The following GALNTL6 variants were observed in gnomAD, a reference collection of about 807,000 sequenced individuals.
GALNTL6 encodes polypeptide N-acetylgalactosaminyltransferase-like 6.
GALNTL6 carries 46 observed loss-of-function variants against 73.7 expected under a neutral mutation model. The observed-to-expected ratio is 0.62, with a 90% CI of 0.49 to 0.80. The LOEUF is 0.80. Among genes scored for constraint, GALNTL6 ranks in the 30% least tolerant of loss-of-function variants. GALNTL6 has a pLI of 0.00. For synonymous variants in GALNTL6, 259 were observed against 263.7 expected, an observed-to-expected ratio of 0.98 and a Z score of 0.17; for missense variants, 604 against 755.0, an observed-to-expected ratio of 0.80 and a Z score of 2.34.
intron 5 of GALNTL6, among the ~76,000 whole-genome samples, chr4:172,364,347 T>A (rs1374254716): frequency 6.6e-6 from 1 of 152,100 alleles, no homozygotes; most frequent in African/African-American, 2.4e-5. Context: ...GAGCTTAGAA[T>A]TTTGAGGTTA....
In GALNTL6 at chr4:172,282,393, T is replaced by C. The variant is rs184399714; in HGVS notation, c.248-29221T>C. ...AATTTACATGCTACCCAGATTATCA[T>C]AGCGTACTAGTGGCAAGAAATTGCT... On this transcript the variant is annotated intron_variant, in intron 3 of 12. Transcript: ENST00000506823. 2.6e-5 allele frequency among the ~76,000 whole-genome samples: 4 copies of C among 152,286 alleles called. No individual in the cohort carries two copies. In the East Asian group the frequency reaches 5.8e-4, roughly 22 times the overall value.
At chr4:172,987,491 G>A (rs1166911731) in intron 10 of GALNTL6, among the ~76,000 whole-genome samples, 1 of 152,216 alleles carries the variant, frequency 6.6e-6, no homozygotes, top group East Asian at 1.9e-4. Context: ...TGAAGTTTTG[G>A]GTGAGGGTAC....
intron 5 of GALNTL6, among the ~76,000 whole-genome samples, chr4:172,573,664 A>G (rs778490700): frequency 1.4e-4 from 22 of 152,152 alleles, no homozygotes; most frequent in Non-Finnish European, 3.1e-4. Flanking sequence ...TTCTCAGATA[A>G]AGAGGTGCAT....
intron 5 of GALNTL6, among the ~76,000 whole-genome samples, chr4:172,389,363 C>T (rs1438236860): frequency 2.0e-5 from 3 of 151,934 alleles, no homozygotes; most frequent in Non-Finnish European, 4.4e-5. Flanking sequence ...AAAAAGTACT[C>T]AGTGGTGCAT....
intron 10 of GALNTL6, among the ~76,000 whole-genome samples, chr4:172,983,521 C>T (rs546940030): frequency 3.2e-4 from 48 of 152,112 alleles, no homozygotes; most frequent in Non-Finnish European, 5.3e-4. Flanking sequence ...ATGGTGAAAC[C>T]TTGTCTCTAC....
At chr4:173,023,440 T>A (rs1055413835) in intron 12 of GALNTL6, among the ~76,000 whole-genome samples, 19 of 152,166 alleles carry the variant, frequency 1.2e-4, no homozygotes, top group Admixed American at 2.6e-4. Context: ...GCAGATCACC[T>A]GAGGTCAGGA....
chr4:171,823,132 T>A (rs1279160636), intron 2 of GALNTL6, among the ~76,000 whole-genome samples: 3 of 152,218 alleles, frequency 2.0e-5, no homozygotes, highest in South Asian at 2.1e-4. Flanking sequence ...TTGTCCCTGG[T>A]ATTCTCTTGA....
chr4:171,814,419 A>G lies in GALNTL6; in HGVS notation c.-162A>G, dbSNP rs1009221708. On this transcript the variant is annotated 5_prime_UTR_variant, in exon 2 of 13. Transcript: ENST00000506823. ...TGTGCGTTTGTTCTGCAGATGGCCAACTCCCTCTGAATCCTGCAGATTGGT... is the reference window on the plus strand; with the variant it reads ...TGTGCGTTTGTTCTGCAGATGGCCAGCTCCCTCTGAATCCTGCAGATTGGT... 4.3e-5 allele frequency: 29 copies of G among 670,046 alleles called. No individual in the cohort carries two copies. The East Asian group carries it at 5.2e-4, about 12-fold the overall frequency. The allele number at this position is 670,046 out of a possible 1,614,324, so 41.5% of individuals were successfully genotyped here.
chr4:172,141,899 ACACACACACACACC>A (rs1380911022), intron 2 of GALNTL6, among the ~76,000 whole-genome samples: 9 of 122,318 alleles, frequency 7.4e-5, no homozygotes, highest in Non-Finnish European at 1.3e-4. Flanking sequence ...ACACACACAC[ACACACACACACACC>A]CCCCACACTC....
At chr4:172,080,968 G>C (rs11930028) in intron 2 of GALNTL6, among the ~76,000 whole-genome samples, 72,858 of 151,838 alleles carry the variant, frequency 0.48, 17,860 homozygotes, top group Admixed American at 0.51. Context: ...TTACTGATGG[G>C]ATCACTGCTA....
intron 2 of GALNTL6, among the ~76,000 whole-genome samples, chr4:172,106,585 A>C (rs1282101647): frequency 2.0e-5 from 3 of 152,192 alleles, no homozygotes; most frequent in Non-Finnish European, 4.4e-5. Context: ...AATCAATTGA[A>C]TATGACAGGA....
chr4:172,708,698 T>C (rs9992243), intron 5 of GALNTL6, among the ~76,000 whole-genome samples: 10,312 of 152,272 alleles, frequency 0.068, 779 homozygotes, highest in African/African-American at 0.19. Context: ...ATTTGTAAGC[T>C]TTTGATTTGC....
At chr4:172,672,574 G>T (rs1375731081) in intron 5 of GALNTL6, among the ~76,000 whole-genome samples, 3 of 152,188 alleles carry the variant, frequency 2.0e-5, no homozygotes, top group Non-Finnish European at 4.4e-5. Context: ...TTTTGGAATG[G>T]TTTCAGTAGA....
intron 5 of GALNTL6, among the ~76,000 whole-genome samples, chr4:172,564,377 C>G (rs891719272): frequency 4.6e-5 from 7 of 152,094 alleles, no homozygotes; most frequent in Non-Finnish European, 1.0e-4. Context: ...GAAAAAGATT[C>G]CTTATGTGTG....
chr4:171,856,445 A>C (rs967022846), intron 2 of GALNTL6, among the ~76,000 whole-genome samples: 5 of 152,030 alleles, frequency 3.3e-5, no homozygotes, highest in Non-Finnish European at 5.9e-5. Context: ...ATGTCCATTT[A>C]ATCAATTTTT....
intron 7 of GALNTL6, among the ~76,000 whole-genome samples, chr4:172,815,858 C>CT (rs1741574144): frequency 6.6e-6 from 1 of 152,188 alleles, no homozygotes; most frequent in Non-Finnish European, 1.5e-5. Context: ...AATGTGGACA[C>CT]TTTAGCCTCT....
intron 5 of GALNTL6, among the ~76,000 whole-genome samples, chr4:172,537,322 G>A (rs1004777167): frequency 6.6e-6 from 1 of 152,204 alleles, no homozygotes; most frequent in African/African-American, 2.4e-5. Flanking sequence ...GTTGTGGGAG[G>A]GAACTGGTGG....
At chr4:172,148,028 T>C (rs939236586) in intron 2 of GALNTL6, among the ~76,000 whole-genome samples, 2 of 152,200 alleles carry the variant, frequency 1.3e-5, no homozygotes, top group South Asian at 2.1e-4. Flanking sequence ...GATGAATGTA[T>C]GATCAACTAA....
At chr4:172,821,435 A>C (rs1220743896) in intron 7 of GALNTL6, among the ~76,000 whole-genome samples, 1 of 152,184 alleles carries the variant, frequency 6.6e-6, no homozygotes, top group Non-Finnish European at 1.5e-5. Context: ...GGCACCCGCT[A>C]AGTGAAGTAG....
Sources: gnomAD v4.1 joint callset for allele counts (sites outside exome capture counted in the v4.1 genomes callset) on GRCh38, gnomAD v4.1.1 for gene constraint, MANE v1.5 for transcripts, NCBI Gene and HGNC (gene_info 2026-07-23, HGNC 2026-07-21) for gene names.